The following ZNF831 variants were observed in gnomAD, a reference collection of about 807,000 sequenced individuals.
ZNF831 encodes chromosome 20 open reading frame 174.
In ZNF831, 59 loss-of-function variants were observed where a neutral mutation model predicts 95.8. The observed-to-expected ratio is 0.62, with a 90% CI of 0.50 to 0.77. The LOEUF is 0.77. Ranked by LOEUF, ZNF831 falls within the 30% of genes least tolerant of loss-of-function variation. ZNF831 has a pLI of 0.00. For synonymous variants in ZNF831, 961 were observed against 925.5 expected (o/e 1.04, Z -0.70); for missense variants, 2,205 against 2,164.0 (o/e 1.02, Z -0.38).
chr20:59,129,800 T>C (rs1171248280), intron 1 of ZNF831, among the ~76,000 whole-genome samples: 1 of 152,228 alleles, frequency 6.6e-6, no homozygotes, highest in East Asian at 1.9e-4. Context: ...GTGTGCAGGA[T>C]TGGCCTTTTT....
intron 4 of ZNF831, among the ~76,000 whole-genome samples, chr20:59,235,270 T>G (rs767712296): frequency 6.6e-6 from 1 of 152,164 alleles, no homozygotes; most frequent in Non-Finnish European, 1.5e-5. Context: ...GATGCTGACC[T>G]CGAGCACCCG....
rs2146544659 is a variant in ZNF831, at chr20:59,191,238, C to T, written c.219C>T (p.Pro73=). The T allele has an allele frequency of 4.5e-6, 7 of 1,547,760 alleles. No individual in the cohort carries two copies. Among genetic ancestry groups the T allele is most frequent in the Non-Finnish European group, 6.1e-6 (7 of 1,147,848 alleles). ...CGGTGCCTCCCGGGGGCCTCCAGCC[C>T]CGCGCCCCGCTAGTGACGGGCAGCC... The part of the protein sequence containing the change: ...YHTVPPGGLQ[P]RAPLVTGSLD... Residue 73 remains proline, a synonymous_variant, in exon 2 of 6, where the codon CCC becomes CCT. Transcript: ENST00000371030.
rs1295715140 is a variant in ZNF831 at position 59,258,424 on chromosome 20, T to C, written c.*3681T>C. 1 of 152,658 alleles carries C rather than the reference T, an allele frequency of 6.6e-6. No individual in the cohort carries two copies. Among genetic ancestry groups the C allele is most frequent in the Non-Finnish European group, 1.5e-5 (1 of 68,044 alleles). The allele number at this position is 152,658 out of a possible 1,614,324, so 9.5% of individuals were successfully genotyped here. On this transcript the variant is annotated 3_prime_UTR_variant, in exon 6 of 6. Transcript: ENST00000371030. ...TCATTACTTAGAATGATCACATTAT[T>C]CATTTTTTTCCCCAGCACAGAAATT...
chr20:59,194,606 C>A lies in ZNF831; in HGVS notation c.3587C>A (p.Ala1196Glu). Residue 1196 changes from alanine to glutamate, a missense_variant, in exon 2 of 6, where the codon GCG (alanine) becomes GAG (glutamate). Physicochemically the swap from Ala to Glu is moderately radical, Grantham distance 107 (BLOSUM62 -1). Transcript: ENST00000371030. ...CTGAGCCGCAGTGTCCCTCTGCCCGCGGAGCAGAAGGCAAAGGCGGCATCT... is the reference window on the plus strand; with the variant it reads ...CTGAGCCGCAGTGTCCCTCTGCCCGAGGAGCAGAAGGCAAAGGCGGCATCT... ...CCLSRSVPLPAEQKAKAASVY... is the reference protein window; with the variant it reads ...CCLSRSVPLPEEQKAKAASVY... 1 of 1,612,788 alleles carries A rather than the reference C, an allele frequency of 6.2e-7. No homozygotes were observed. Among genetic ancestry groups the A allele is most frequent in the Admixed American group, 1.7e-5 (1 of 59,876 alleles).
chr20:59,128,958 C>T (rs568932655), intron 1 of ZNF831, among the ~76,000 whole-genome samples: 10 of 152,254 alleles, frequency 6.6e-5, no homozygotes, highest in African/African-American at 2.4e-4. Context: ...GACGGGGTTT[C>T]ACCCGTTGTT....
chr20:59,142,866 T>G (rs746768179), intron 1 of ZNF831, among the ~76,000 whole-genome samples: 5 of 152,230 alleles, frequency 3.3e-5, no homozygotes, highest in Non-Finnish European at 7.3e-5. Context: ...CTCAACTGAC[T>G]ATGAACTCCT....
At chr20:59,154,144 A>C (rs1485966977) in intron 2 of ZNF831, among the ~76,000 whole-genome samples, 2 of 152,190 alleles carry the variant, frequency 1.3e-5, no homozygotes, top group Non-Finnish European at 2.9e-5. Flanking sequence ...GATTCACCTA[A>C]AAGTGTCACA....
At chr20:59,142,659 T>C (rs1251355790) in intron 1 of ZNF831, among the ~76,000 whole-genome samples, 2 of 152,200 alleles carry the variant, frequency 1.3e-5, no homozygotes, top group African/African-American at 4.8e-5. Context: ...CAAAGAGAGG[T>C]GGCCTTGGCT....
At chr20:59,223,327 G>A (rs150811949) in intron 4 of ZNF831, among the ~76,000 whole-genome samples, 44 of 152,288 alleles carry the variant, frequency 2.9e-4, no homozygotes, top group African/African-American at 1.1e-3. Flanking sequence ...AGGACTCCCG[G>A]ACCCTTCGCT....
chr20:59,161,439 G>A (rs1252463368), upstream of ZNF831, among the ~76,000 whole-genome samples: 2 of 151,956 alleles, frequency 1.3e-5, no homozygotes, highest in East Asian at 3.9e-4. Context: ...CACCACACCC[G>A]GCTAATTTTT....
At chr20:59,234,889 C>T (rs1218148875) in intron 4 of ZNF831, among the ~76,000 whole-genome samples, 1 of 152,176 alleles carries the variant, frequency 6.6e-6, no homozygotes, top group Non-Finnish European at 1.5e-5. Flanking sequence ...TCGTATGGCA[C>T]ATTTTTTACA....
At chr20:59,182,877 T>C (rs1226878803) in intron 1 of ZNF831, among the ~76,000 whole-genome samples, 1 of 152,250 alleles carries the variant, frequency 6.6e-6, no homozygotes, top group African/African-American at 2.4e-5. Flanking sequence ...GCGTTGTTTC[T>C]AACCAGCTAT....
intron 1 of ZNF831, among the ~76,000 whole-genome samples, chr20:59,127,763 C>T (rs1220139128): frequency 2.0e-5 from 3 of 152,196 alleles, no homozygotes; most frequent in African/African-American, 4.8e-5. Context: ...CCTGTAGCAC[C>T]CTCCACCCCC....
chr20:59,130,345 CA>C (rs1436400165), intron 1 of ZNF831, among the ~76,000 whole-genome samples: 1 of 152,120 alleles, frequency 6.6e-6, no homozygotes, highest in East Asian at 1.9e-4. Context: ...CTGTCGTAGC[CA>C]TTGGAAGGTG....
intron 4 of ZNF831, among the ~76,000 whole-genome samples, chr20:59,214,435 T>A (rs1002893852): frequency 2.0e-5 from 3 of 152,212 alleles, no homozygotes; most frequent in Non-Finnish European, 2.9e-5. Flanking sequence ...CCTTTCTTAC[T>A]CTAGCATAGG....
At chr20:59,253,869 C>CCCGGGGG in intron 5 of ZNF831, 29 bp from the exon 6 acceptor site, 1 of 1,067,576 alleles carries the variant, frequency 9.4e-7, no homozygotes, top group Non-Finnish European at 1.2e-6. Context: ...TCCCCCCCCA[C>CCCGGGGG]TTTTTTTTTC....
chr20:59,160,200 G>T (rs971684784), upstream of ZNF831: 5 of 152,310 alleles, frequency 3.3e-5, no homozygotes, highest in Non-Finnish European at 7.3e-5. Flanking sequence ...ACCTTGGGAG[G>T]ACTTGGGTCT....
intron 4 of ZNF831, among the ~76,000 whole-genome samples, chr20:59,207,582 G>A (rs1984990192): frequency 6.6e-6 from 1 of 152,142 alleles, no homozygotes; most frequent in South Asian, 2.1e-4. Flanking sequence ...AATAAAAGGC[G>A]AACTAAGTGG....
At position 59,194,485 on chromosome 20, in the gene ZNF831, TCA is replaced by T; in HGVS notation, c.3467_3468del (p.Ser1156TrpfsTer24). The T allele has an allele frequency of 1.2e-6, 2 of 1,612,468 alleles. No homozygotes were observed. The highest frequency in any genetic ancestry group is 1.7e-6 in the Non-Finnish European group (2 of 1,179,460). ...GWPELALSSH[S>X]GTSRSHSTRS... ...GCCAGAGCTGGCCTTGTCTTCCCAC[TCA>T]GGGACGTCCCGGAGCCACAGCACCC... is the stretch of plus-strand genomic sequence containing the variant. On this transcript the variant is annotated frameshift_variant, in exon 2 of 6. Transcript: ENST00000371030. LOFTEE classifies it high-confidence loss of function.
Sources: allele counts gnomAD v4.1 joint callset (sites outside exome capture counted in the v4.1 genomes callset), GRCh38; gene constraint gnomAD v4.1.1; transcripts MANE v1.5; gene names NCBI Gene and HGNC (gene_info 2026-07-23, HGNC 2026-07-21).